PCDHA13: variants seen among roughly 807,000 people sequenced by gnomAD.
The protein encoded by PCDHA13 is protocadherin alpha 13.
In PCDHA13, 54 loss-of-function variants were observed where a neutral mutation model predicts 64.8. That is an observed-to-expected ratio of 0.83 (90% CI 0.67 to 1.04). The LOEUF is 1.04. Ranked by LOEUF, PCDHA13 falls within the 50% of genes least tolerant of loss-of-function variation. PCDHA13 has a pLI of 0.00. For missense variants in PCDHA13, 1,248 were observed against 1,254.3 expected (o/e 0.99, Z 0.08); for synonymous variants, 587 against 564.4 (o/e 1.04, Z -0.57).
At chr5:140,900,456 T>C (rs902615387) in intron 1 of PCDHA13, among the ~76,000 whole-genome samples, 3 of 152,210 alleles carry the variant, frequency 2.0e-5, no homozygotes, top group Non-Finnish European at 2.9e-5. Flanking sequence ...TTTTTATTTT[T>C]AGTAGACACG....
intron 3 of PCDHA13, among the ~76,000 whole-genome samples, chr5:140,985,509 T>C (rs6886977): frequency 1.5e-3 from 223 of 152,280 alleles, no homozygotes; most frequent in African/African-American, 4.4e-3. Context: ...CTTTCATTGA[T>C]TCTGTTGCCC....
At chr5:140,969,584 G>C in intron 1 of PCDHA13, 1 of 907,936 alleles carries the variant, frequency 1.1e-6, no homozygotes, top group Non-Finnish European at 1.6e-6. Context: ...GTGAGGATTA[G>C]TCTTAATATT....
At chr5:140,938,897 G>T (rs72800999) in intron 1 of PCDHA13, among the ~76,000 whole-genome samples, 1 of 151,198 alleles carries the variant, frequency 6.6e-6, no homozygotes, top group East Asian at 1.9e-4. Context: ...ACACAGATGC[G>T]CACACACACA....
intron 1 of PCDHA13, chr5:140,930,126 C>T (rs1286889846): frequency 6.6e-6 from 1 of 152,108 alleles, no homozygotes; most frequent in Non-Finnish European, 1.5e-5. Flanking sequence ...GGATATAGGA[C>T]TTGACAACCT....
Position 140,940,419 on chromosome 5 carries a change from A to G in PCDHA13, c.2395-38530A>G, listed in dbSNP as rs890018340. Among the ~76,000 whole-genome samples, 3 of 152,002 alleles carry G rather than the reference A, an allele frequency of 2.0e-5. No homozygotes were observed. The East Asian group carries it at 5.8e-4, about 29-fold the overall frequency. ...GTTTTTCATTTTAAAAATTATAATT[A>G]TTACTGATCAAGTCTGCCATGATAT... On this transcript the variant is annotated intron_variant, in intron 1 of 3. Transcript: ENST00000289272.
chr5:140,954,995 T>C (rs962646761), intron 1 of PCDHA13, among the ~76,000 whole-genome samples: 2 of 152,222 alleles, frequency 1.3e-5, no homozygotes, highest in African/African-American at 2.4e-5. Context: ...TGCATATGGC[T>C]AGCCAATTCT....
At chr5:140,973,800 C>A (rs1554235613) in intron 1 of PCDHA13, among the ~76,000 whole-genome samples, 1 of 152,236 alleles carries the variant, frequency 6.6e-6, no homozygotes, top group Non-Finnish European at 1.5e-5. Context: ...ATGCTGTCTA[C>A]TTGACAGAAT....
chr5:140,901,658 G>T (rs1554189962), intron 1 of PCDHA13, among the ~76,000 whole-genome samples: 1 of 151,936 alleles, frequency 6.6e-6, no homozygotes, highest in Admixed American at 6.6e-5. Flanking sequence ...TGTTCTTTTT[G>T]CTCAAGATAC....
At chr5:140,969,760 C>T (rs1166018588) in intron 1 of PCDHA13, among the ~76,000 whole-genome samples, 1 of 152,194 alleles carries the variant, frequency 6.6e-6, no homozygotes, top group Non-Finnish European at 1.5e-5. Flanking sequence ...TTAAAAAGCT[C>T]TGAGGCCTCT....
At chr5:140,931,183 T>C (rs1225985669) in intron 1 of PCDHA13, among the ~76,000 whole-genome samples, 2 of 152,158 alleles carry the variant, frequency 1.3e-5, no homozygotes, top group Non-Finnish European at 2.9e-5. Context: ...GGGAAGGAAA[T>C]TGGTGCACTA....
At chr5:140,958,400 A>G (rs1236102640) in intron 1 of PCDHA13, among the ~76,000 whole-genome samples, 1 of 152,196 alleles carries the variant, frequency 6.6e-6, no homozygotes, top group African/African-American at 2.4e-5. Context: ...ATCAAACATT[A>G]TCACTGATGC....
chr5:140,982,154 G>A (rs1304368371), intron 2 of PCDHA13, among the ~76,000 whole-genome samples: 3 of 152,210 alleles, frequency 2.0e-5, no homozygotes, highest in East Asian at 1.9e-4. Flanking sequence ...CTTCAGTATC[G>A]AGATGTTAAA....
At chr5:140,899,814 G>A (rs1212568701) in intron 1 of PCDHA13, among the ~76,000 whole-genome samples, 8 of 152,012 alleles carry the variant, frequency 5.3e-5, no homozygotes, top group African/African-American at 7.2e-5. Flanking sequence ...ATTTTGTTTT[G>A]TTTTTCCTTT....
chr5:140,929,058 A>G (rs372120484), intron 1 of PCDHA13: 2 of 1,614,072 alleles, frequency 1.2e-6, no homozygotes, highest in African/African-American at 2.7e-5. Context: ...GTCGCTCTAC[A>G]GAGGATCTGA....
At chr5:140,963,722 T>G (rs948660694) in intron 1 of PCDHA13, among the ~76,000 whole-genome samples, 2 of 152,242 alleles carry the variant, frequency 1.3e-5, no homozygotes, top group Non-Finnish European at 2.9e-5. Flanking sequence ...ACATATAGAC[T>G]GCCAACTAAG....
chr5:140,910,387 T>G (rs540534807), intron 1 of PCDHA13, among the ~76,000 whole-genome samples: 3 of 152,276 alleles, frequency 2.0e-5, no homozygotes, highest in Admixed American at 6.5e-5. Context: ...CCTTTGACAG[T>G]TGACTGGCCC....
intron 1 of PCDHA13, among the ~76,000 whole-genome samples, chr5:140,931,965 CAT>C (rs1195736359): frequency 6.6e-6 from 1 of 151,852 alleles, no homozygotes; most frequent in African/African-American, 2.4e-5. Context: ...CATGTTGATG[CAT>C]ATGTGTTTAT....
Position 141,010,389 on chromosome 5 carries a change from G to A in PCDHA13, c.*452G>A. The A allele has an allele frequency of 1.4e-6, 2 of 1,400,314 alleles. No individual in the cohort carries two copies. Among genetic ancestry groups the A allele is most frequent in the Non-Finnish European group, 1.9e-6 (2 of 1,052,510 alleles). The allele number at this position is 1,400,314 out of a possible 1,614,324, so 86.7% of individuals were successfully genotyped here. ...TATGCGAGTGCCAGATATTGGCTGA[G>A]ACGAGCCAGCTTAGACTAATTGGTA... On this transcript the variant is annotated 3_prime_UTR_variant, in exon 4 of 4. Coordinates refer to ENST00000289272, the MANE Select transcript of PCDHA13 (RefSeq NM_018904.3).
chr5:140,979,122 T>C (rs1271679977), intron 2 of PCDHA13, 115 bp downstream of exon 2: 2 of 1,493,778 alleles, frequency 1.3e-6, no homozygotes, highest in African/African-American at 2.8e-5. Flanking sequence ...TTAGGTACTT[T>C]GCCAGGAAAA....
Sources: allele counts gnomAD v4.1 joint callset (sites outside exome capture counted in the v4.1 genomes callset), GRCh38; gene constraint gnomAD v4.1.1; transcripts MANE v1.5; gene names NCBI Gene and HGNC (gene_info 2026-07-23, HGNC 2026-07-21).